The following OXR1 variants were observed in gnomAD, a reference collection of about 807,000 sequenced individuals.
OXR1 encodes the protein oxidation resistance protein 1.
A neutral mutation model predicts 104.6 loss-of-function variants in OXR1; 41 were observed. The ratio of observed to expected loss-of-function variants is 0.39; its 90% CI spans 0.31 to 0.51. The LOEUF is 0.51. Ranked by LOEUF, OXR1 falls within the 20% of genes least tolerant of loss-of-function variation. The pLI is 0.77. For missense variants in OXR1, 955 were observed against 1,031.9 expected, an observed-to-expected ratio of 0.93 and a Z score of 1.02; for synonymous variants, 348 against 348.4, an observed-to-expected ratio of 1.00 and a Z score of 0.01.
At chr8:106,689,054 T>C (rs967246344) in intron 6 of OXR1, among the ~76,000 whole-genome samples, 1 of 152,134 alleles carries the variant, frequency 6.6e-6, no homozygotes, top group Non-Finnish European at 1.5e-5. Context: ...CCTATATTAG[T>C]TTCCTAGTAT....
At chr8:106,287,541 A>G (rs1226973775) in intron 1 of OXR1, among the ~76,000 whole-genome samples, 6 of 152,060 alleles carry the variant, frequency 3.9e-5, no homozygotes, top group South Asian at 2.1e-4. Flanking sequence ...ATAAACACCA[A>G]TTTCCCACAT....
At chr8:106,361,889 C>CT (rs376879426) in intron 2 of OXR1, among the ~76,000 whole-genome samples, 10 of 152,116 alleles carry the variant, frequency 6.6e-5, no homozygotes, top group African/African-American at 2.4e-4. Context: ...TTGATTTAGC[C>CT]TGACTAGTGC....
intron 5 of OXR1, among the ~76,000 whole-genome samples, chr8:106,683,983 G>A (rs1328939672): frequency 6.6e-6 from 1 of 152,040 alleles, no homozygotes; most frequent in Non-Finnish European, 1.5e-5. Context: ...GCTAGCTATT[G>A]CCAAATTGTC....
intron 3 of OXR1, chr8:106,618,260 A>C: frequency 2.6e-6 from 3 of 1,142,826 alleles, no homozygotes; most frequent in Non-Finnish European, 3.8e-6. Flanking sequence ...TAAAGGGCAC[A>C]CTTTATGTTG....
At chr8:106,724,894 T>G (rs1022531593) in intron 11 of OXR1, among the ~76,000 whole-genome samples, 13 of 152,340 alleles carry the variant, frequency 8.5e-5, no homozygotes, top group African/African-American at 3.1e-4. Flanking sequence ...AAACCTCATT[T>G]TGGAACACAC....
intron 2 of OXR1, among the ~76,000 whole-genome samples, chr8:106,448,621 C>A (rs1355761006): frequency 6.6e-6 from 1 of 151,750 alleles, no homozygotes; most frequent in Admixed American, 6.6e-5. Flanking sequence ...ATATTTTAAA[C>A]TAATAATAGC....
At chr8:106,643,003 C>A (rs1416791931) in intron 3 of OXR1, among the ~76,000 whole-genome samples, 1 of 152,154 alleles carries the variant, frequency 6.6e-6, no homozygotes, top group Non-Finnish European at 1.5e-5. Flanking sequence ...TCATTGTCAT[C>A]CTTGAAGGTG....
At position 106,697,537 on chromosome 8, in the gene OXR1, G is replaced by A; in HGVS notation, c.675+4660G>A. 5.0e-6 allele frequency: 8 copies of A among 1,611,548 alleles called. No individual in the cohort carries two copies. In the South Asian group the frequency reaches 6.6e-5, roughly 13 times the overall value. On this transcript the variant is annotated intron_variant, in intron 7 of 16. Coordinates refer to ENST00000517566, the MANE Select transcript of OXR1 (RefSeq NM_001198533.2). The stretch of plus-strand genomic sequence containing the variant: ...CAGCTGGTTATCCGAGAAGTTCCGA[G>A]GATTCTCCTTGGATTTCTTAGGGAA...
At chr8:106,321,535 AC>A (rs1381997374) in intron 1 of OXR1, among the ~76,000 whole-genome samples, 1 of 152,156 alleles carries the variant, frequency 6.6e-6, no homozygotes, top group East Asian at 1.9e-4. Context: ...TACATTTGAC[AC>A]CAGTTTCTGA....
intron 2 of OXR1, among the ~76,000 whole-genome samples, chr8:106,476,673 G>T (rs1821828536): frequency 6.6e-6 from 1 of 151,840 alleles, no homozygotes; most frequent in Non-Finnish European, 1.5e-5. Context: ...TTTCTTAATG[G>T]CGTCTGGGAA....
intron 3 of OXR1, among the ~76,000 whole-genome samples, chr8:106,575,431 AT>A (rs1249822125): frequency 6.6e-6 from 1 of 152,138 alleles, no homozygotes; most frequent in Non-Finnish European, 1.5e-5. Context: ...TTAAATGAAA[AT>A]GGACATTCAC....
intron 2 of OXR1, among the ~76,000 whole-genome samples, chr8:106,468,612 A>C (rs1821315724): frequency 6.6e-6 from 1 of 151,782 alleles, no homozygotes; most frequent in Non-Finnish European, 1.5e-5. Flanking sequence ...ATGGTCAGGT[A>C]GTATCTTTGG....
At chr8:106,302,258 A>G (rs1332797059) in intron 1 of OXR1, among the ~76,000 whole-genome samples, 2 of 152,164 alleles carry the variant, frequency 1.3e-5, no homozygotes, top group Non-Finnish European at 2.9e-5. Context: ...AATAAGTTTC[A>G]TAGTCAATGG....
At chr8:106,567,268 A>G (rs1332926970) in intron 3 of OXR1, among the ~76,000 whole-genome samples, 1 of 152,130 alleles carries the variant, frequency 6.6e-6, no homozygotes, top group African/African-American at 2.4e-5. Flanking sequence ...CAAGATATTG[A>G]ATCTATTTAG....
intron 9 of OXR1, among the ~76,000 whole-genome samples, chr8:106,709,637 T>A (rs1423181777): frequency 1.3e-5 from 2 of 152,004 alleles, no homozygotes; most frequent in East Asian, 3.8e-4. Flanking sequence ...TATAACCAAA[T>A]ATTAAAAGGA....
At chr8:106,312,980 A>T (rs925330941) in intron 1 of OXR1, among the ~76,000 whole-genome samples, 3 of 152,170 alleles carry the variant, frequency 2.0e-5, no homozygotes, top group Non-Finnish European at 4.4e-5. Context: ...GTATTTTGGA[A>T]GGACTTTCTT....
chr8:106,576,481 A>AG (rs1239208204), intron 3 of OXR1, among the ~76,000 whole-genome samples: 35 of 149,736 alleles, frequency 2.3e-4, no homozygotes, highest in African/African-American at 4.4e-4. Context: ...AAAAAAAAAA[A>AG]AAAAGAAAAC....
chr8:106,444,321 C>T (rs933272779), intron 2 of OXR1, among the ~76,000 whole-genome samples: 2 of 152,130 alleles, frequency 1.3e-5, no homozygotes, highest in Admixed American at 6.6e-5. Context: ...ACATTTGTTC[C>T]AGCAATCCCA....
At chr8:106,595,421 G>C (rs1819441330) in intron 3 of OXR1, among the ~76,000 whole-genome samples, 1 of 151,774 alleles carries the variant, frequency 6.6e-6, no homozygotes, top group South Asian at 2.1e-4. Context: ...ATGGTCGTGG[G>C]CGCTTGTAAT....
Sources: gnomAD v4.1 joint callset for allele counts (sites outside exome capture counted in the v4.1 genomes callset) on GRCh38, gnomAD v4.1.1 for gene constraint, MANE v1.5 for transcripts, NCBI Gene and HGNC (gene_info 2026-07-23, HGNC 2026-07-21) for gene names.